EVC: variants seen among roughly 807,000 people sequenced by gnomAD.
The protein encoded by EVC is EvC ciliary complex subunit 1, also known as evC complex member EVC.
Under a neutral mutation model 118.9 loss-of-function variants are expected in EVC, and 116 were observed. That is an observed-to-expected ratio of 0.98 (90% confidence interval 0.84 to 1.14). The LOEUF (loss-of-function observed/expected upper bound fraction) is 1.14. EVC is among the 50% of genes most tolerant of loss of function. The probability of loss-of-function intolerance (pLI) is 0.00; values close to 1 mark genes in which losing one functional copy is unlikely to be tolerated. For missense variants in EVC, 1,401 were observed against 1,246.4 expected (o/e 1.12, Z -1.87); for synonymous variants, 619 against 534.7 (o/e 1.16, Z -2.18).
At chr4:5,745,392 T>A (rs376749826) in intron 7 of EVC, 51 bp downstream of exon 7, 5 of 1,583,812 alleles carry the variant, frequency 3.2e-6, no homozygotes, top group African/African-American at 1.3e-5. Context: ...CCTAAAACAG[T>A]TAAATTGGCT....
chr4:5,825,112 C>A, the EVC span: 1 of 985,428 alleles, frequency 1.0e-6, no homozygotes, highest in African/African-American at 1.7e-5. This position sits in a 1 kb window ranked among gnomAD's most constrained non-coding sequence, Gnocchi z 4.4. Flanking sequence ...TAAAGACTTA[C>A]ACAGAGCACA....
rs1416338719 is a variant in EVC, at chr4:5,719,673, C to T, written c.300+300C>T. ...GCCCCCACACACTTCCAGAGGTGCC[C>T]ATGCGTGGGATTTCCATTGATTGGT... is the stretch of plus-strand genomic sequence containing the variant. On this transcript the variant is annotated intron_variant, in intron 2 of 20. Coordinates refer to ENST00000264956, the MANE Select transcript of EVC (RefSeq NM_153717.3). This position sits in a 1 kb window ranked among gnomAD's most constrained non-coding sequence, Gnocchi z 4.7. Among the ~76,000 whole-genome samples the T allele has an allele frequency of 2.6e-5, 4 of 152,182 alleles. No homozygotes were observed. The highest frequency in any genetic ancestry group is 9.7e-5 in the African/African-American group (4 of 41,450).
intron 2 of EVC, among the ~76,000 whole-genome samples, chr4:5,722,357 T>G (rs1725100367): frequency 6.6e-6 from 1 of 152,240 alleles, no homozygotes; most frequent in Admixed American, 6.5e-5. Flanking sequence ...ATTATCAAGC[T>G]AATAATTGCC....
rs777256784 is a variant in EVC, at chr4:5,731,621, G to A, written c.581G>A (p.Arg194Gln). Residue 194 changes from arginine to glutamine, a missense_variant, in exon 4 of 21, where the codon CGG becomes CAG. Coordinates refer to ENST00000264956, the MANE Select transcript of EVC (RefSeq NM_153717.3). The surrounding 1 kb of genome is among the most constrained non-coding windows in gnomAD (Gnocchi z 5.6). The part of the protein sequence containing the change: ...DDRFLSRTFL[R>Q]VNAFPEVLAC... The stretch of plus-strand genomic sequence containing the variant: ...AGGTTTCTCAGCCGCACCTTCCTCC[G>A]GGTGAACGCCTTCCCTGAAGTGCTG... 8.7e-6 allele frequency: 14 copies of A among 1,614,020 alleles called. No homozygotes were observed. Among genetic ancestry groups the A allele is most frequent in the East Asian group, 4.5e-5 (2 of 44,880 alleles).
chr4:5,741,880 A>G, intron 6 of EVC, 66 bp downstream of exon 6: 4 of 845,436 alleles, frequency 4.7e-6, no homozygotes, highest in Non-Finnish European at 7.5e-6. Context: ...ACAACTTATG[A>G]TGCAAAAATT....
chr4:5,797,551 G>C, intron 14 of EVC: 1 of 494,044 alleles, frequency 2.0e-6, no homozygotes, highest in Non-Finnish European at 3.7e-6. Context: ...CTCTGTGGGT[G>C]TCCCATCTCT....
intron 11 of EVC, among the ~76,000 whole-genome samples, chr4:5,766,430 C>A (rs1237383553): frequency 3.8e-5 from 5 of 130,744 alleles, no homozygotes; most frequent in African/African-American, 1.5e-4. Flanking sequence ...CTCTGTATTT[C>A]CTGAATCTGA....
chr4:5,780,907 C>T (rs1430449958), intron 11 of EVC, among the ~76,000 whole-genome samples: 1 of 152,184 alleles, frequency 6.6e-6, no homozygotes, highest in East Asian at 1.9e-4. Context: ...CACAAGTTTC[C>T]AGAATCCTCT....
chr4:5,815,470 G>A (rs1446731068), downstream of EVC, among the ~76,000 whole-genome samples: 3 of 152,218 alleles, frequency 2.0e-5, no homozygotes, highest in Middle Eastern at 3.2e-3. Context: ...GACGGGAAAT[G>A]GGGGAAATGT....
chr4:5,716,509 T>C (rs1011389179), intron 1 of EVC, among the ~76,000 whole-genome samples: 1 of 152,212 alleles, frequency 6.6e-6, no homozygotes, highest in African/African-American at 2.4e-5. Context: ...AGAATGGTGC[T>C]CAGAGTTCAG....
rs142263600 is a variant in EVC, at chr4:5,780,588, C to A, written c.1564-2964C>A. Among the ~76,000 whole-genome samples the A allele has an allele frequency of 2.0e-5, 3 of 152,322 alleles. No individual in the cohort carries two copies. The East Asian group carries it at 5.8e-4, about 29-fold the overall frequency. ...AACAATTATATTTATTATCACCTGT[C>A]ATTTTCTGGGGACTCTGCCAGGCCC... On this transcript the variant is annotated intron_variant, in intron 11 of 20. Coordinates refer to ENST00000264956, the MANE Select transcript of EVC (RefSeq NM_153717.3).
rs1390920121 is a variant in EVC at position 5,738,858 on chromosome 4, A to G, written c.703-2858A>G. ...TGGGATTACGGGTGTGAGCCACCGC[A>G]CCCAGCCCAACAACTTTTTTTTAAT... On this transcript the variant is annotated intron_variant, in intron 5 of 20. Transcript: ENST00000264956. The surrounding 1 kb of genome is among the most constrained non-coding windows in gnomAD (Gnocchi z 6.5). 6.6e-6 allele frequency among the ~76,000 whole-genome samples: 1 copy of G among 151,996 alleles called. No homozygotes were observed. Among genetic ancestry groups the G allele is most frequent in the African/African-American group, 2.4e-5 (1 of 41,374 alleles).
chr4:5,726,967 A>G (rs1481555077), intron 2 of EVC, among the ~76,000 whole-genome samples: 33 of 152,048 alleles, frequency 2.2e-4, no homozygotes, highest in Admixed American at 1.3e-4. Flanking sequence ...AATCCAGTCT[A>G]TCATTGTTGG....
At chr4:5,808,371 GA>G (rs769736113) in intron 18 of EVC, 44 bp downstream of exon 18, 1 of 1,613,862 alleles carries the variant, frequency 6.2e-7, no homozygotes, top group Non-Finnish European at 8.5e-7. Flanking sequence ...GTGGTTTAAA[GA>G]GGAGCAGAAA....
At chr4:5,750,277 T>C (rs1040581662) in intron 8 of EVC, among the ~76,000 whole-genome samples, 1 of 152,222 alleles carries the variant, frequency 6.6e-6, no homozygotes, top group Admixed American at 6.5e-5. Context: ...GTGAAAGACT[T>C]TTCTTCCTAT....
At chr4:5,766,940 G>A (rs898161700) in intron 11 of EVC, among the ~76,000 whole-genome samples, 2 of 151,858 alleles carry the variant, frequency 1.3e-5, no homozygotes, top group Non-Finnish European at 2.9e-5. Context: ...TCCGTTGCTG[G>A]TGAGGAACTG....
Position 5,726,961 on chromosome 4 carries a change from C to A in EVC, c.301-2346C>A, listed in dbSNP as rs563226630. Reference sequence around the variant, plus strand: ...GTATATGTGACACATTTTCTTAATCCAGTCTATCATTGTTGGACATTTGGG... The same window carrying A: ...GTATATGTGACACATTTTCTTAATCAAGTCTATCATTGTTGGACATTTGGG... On this transcript the variant is annotated intron_variant, in intron 2 of 20. Coordinates refer to ENST00000264956, the MANE Select transcript of EVC (RefSeq NM_153717.3). Among the ~76,000 whole-genome samples the A allele has an allele frequency of 3.0e-4, 45 of 152,104 alleles. 1 individual carries two copies. In the South Asian group the frequency reaches 7.7e-3, roughly 26 times the overall value.
intron 13 of EVC, among the ~76,000 whole-genome samples, chr4:5,794,377 A>C: frequency 7.3e-6 from 1 of 137,766 alleles, no homozygotes; most frequent in African/African-American, 2.6e-5. Flanking sequence ...ATTTATATAC[A>C]TATATATATA....
At chr4:5,752,756 C>A in intron 8 of EVC, 80 bp from the exon 9 acceptor site, 1 of 1,438,354 alleles carries the variant, frequency 7.0e-7, no homozygotes, top group Non-Finnish European at 9.8e-7. Flanking sequence ...ACCCTGGTGG[C>A]TTCTTCTCAG....
Sources: gnomAD v4.1 joint callset for allele counts (sites outside exome capture counted in the v4.1 genomes callset) on GRCh38, gnomAD v4.1.1 for gene constraint, Gnocchi (gnomAD v3.1) non-coding constraint, MANE v1.5 for transcripts, NCBI Gene and HGNC (gene_info 2026-07-23, HGNC 2026-07-21) for gene names.